The following SCARA3 variants were observed in gnomAD, a reference collection of about 807,000 sequenced individuals.
SCARA3 encodes scavenger receptor class A member 3, also known as cellular stress response gene protein.
SCARA3 carries 39 observed loss-of-function variants against 47.0 expected under a neutral mutation model. The ratio of observed to expected loss-of-function variants is 0.83; its 90% CI spans 0.64 to 1.08. SCARA3 has a LOEUF of 1.08. SCARA3 is among the 50% of genes least tolerant of loss of function. SCARA3 has a pLI of 0.00. For missense variants in SCARA3, 724 were observed against 792.3 expected (o/e 0.91, Z 1.04); for synonymous variants, 356 against 334.1 (o/e 1.07, Z -0.71).
Position 27,672,200 on chromosome 8 carries a change from C to T in SCARA3, c.*849C>T. On this transcript the variant is annotated 3_prime_UTR_variant, in exon 6 of 6. Coordinates refer to ENST00000301904, the MANE Select transcript of SCARA3 (RefSeq NM_016240.3). ...TTCTCTGGCCTTGCACACAGTGCCC[C>T]CTGAGAAGTTCAACATTTATTTCTT... is the stretch of plus-strand genomic sequence containing the variant. The T allele has an allele frequency of 2.0e-6, 2 of 985,440 alleles. No homozygotes were observed. Among genetic ancestry groups the T allele is most frequent in the Non-Finnish European group, 2.4e-6 (2 of 829,952 alleles). The allele number at this position is 985,440 out of a possible 1,614,324, so 61.0% of individuals were successfully genotyped here.
intron 1 of SCARA3, among the ~76,000 whole-genome samples, chr8:27,634,998 C>T (rs780785678): frequency 2.6e-5 from 4 of 152,160 alleles, no homozygotes; most frequent in Admixed American, 2.6e-4. Flanking sequence ...AGGTTTTGAA[C>T]GCCATTTCGG....
intron 1 of SCARA3, among the ~76,000 whole-genome samples, chr8:27,634,598 C>A (rs891027007): frequency 3.3e-5 from 5 of 152,210 alleles, no homozygotes; most frequent in Admixed American, 2.6e-4. Flanking sequence ...CTGCATCCCC[C>A]ACCGAGCCTT....
At chr8:27,639,107 A>C (rs982683767) in intron 1 of SCARA3, among the ~76,000 whole-genome samples, 1 of 152,144 alleles carries the variant, frequency 6.6e-6, no homozygotes, top group Non-Finnish European at 1.5e-5. Flanking sequence ...GGTTCAGATG[A>C]GACACCTTCC....
the SCARA3 span, among the ~76,000 whole-genome samples, chr8:27,707,483 A>AT: frequency 6.6e-6 from 1 of 151,524 alleles, no homozygotes; most frequent in African/African-American, 2.4e-5. Context: ...AATAAGTCAA[A>AT]AAAAAACATT....
chr8:27,657,042 A>T (rs1379102260), intron 4 of SCARA3, among the ~76,000 whole-genome samples, 162 bp downstream of exon 4: 4 of 152,104 alleles, frequency 2.6e-5, no homozygotes, highest in African/African-American at 9.7e-5. Flanking sequence ...ATCTCCATCC[A>T]TTAGAGGAGG....
In SCARA3 at chr8:27,649,699, T is replaced by C; in HGVS notation, c.8-3T>C. 6.2e-7 allele frequency: 1 copy of C among 1,613,958 alleles called. No individual in the cohort carries two copies. The highest frequency in any genetic ancestry group is 8.5e-7 in the Non-Finnish European group (1 of 1,179,960). On this transcript the variant is annotated splice_region_variant and splice_polypyrimidine_tract_variant and intron_variant, in intron 1 of 5. Coordinates refer to ENST00000301904, the MANE Select transcript of SCARA3 (RefSeq NM_016240.3). ...GGGTCTGACGGCACTGGCTTCATTA[T>C]AGTGAGGTCGGCCGGCGGCGATGGA...
At position 27,672,064 on chromosome 8, in the gene SCARA3, CCA is replaced by C. The variant is rs1456316881; in HGVS notation, c.*714_*715del. 2.1e-5 allele frequency: 21 copies of C among 985,432 alleles called. No individual in the cohort carries two copies. The East Asian group carries it at 6.8e-4, about 32-fold the overall frequency. 61.0% of individuals were successfully genotyped at this position (985,432 alleles called of 1,614,324 possible). On this transcript the variant is annotated 3_prime_UTR_variant, in exon 6 of 6. Coordinates refer to ENST00000301904, the MANE Select transcript of SCARA3 (RefSeq NM_016240.3). ...CGGGTGGGGCGTTACTGCCAAAACTCCAGAGGCAAAGTGGACCTGGCAACCAC... is the reference window on the plus strand; with the variant it reads ...CGGGTGGGGCGTTACTGCCAAAACTCGAGGCAAAGTGGACCTGGCAACCAC...
the SCARA3 span, among the ~76,000 whole-genome samples, chr8:27,711,486 T>C: frequency 6.6e-6 from 1 of 152,214 alleles, no homozygotes; most frequent in Non-Finnish European, 1.5e-5. Flanking sequence ...CTTTCTGGAA[T>C]GATAACATCT....
the SCARA3 span, among the ~76,000 whole-genome samples, chr8:27,719,995 T>A: frequency 6.6e-6 from 1 of 152,170 alleles, no homozygotes; most frequent in African/African-American, 2.4e-5. Flanking sequence ...ACCCTGCAGC[T>A]GATCAGGGAG....
At chr8:27,645,689 C>T (rs1208814662) in intron 1 of SCARA3, among the ~76,000 whole-genome samples, 1 of 152,242 alleles carries the variant, frequency 6.6e-6, no homozygotes, top group East Asian at 1.9e-4. Flanking sequence ...CTTTGGAGAG[C>T]TGGTGCACCT....
chr8:27,656,712 T>G, intron 3 of SCARA3, 70 bp from the exon 4 acceptor site: 1 of 962,068 alleles, frequency 1.0e-6, no homozygotes, highest in Non-Finnish European at 1.7e-6. Flanking sequence ...TAAAGATGCC[T>G]TCTCAAGGAA....
chr8:27,647,920 C>G (rs530223133), intron 1 of SCARA3, among the ~76,000 whole-genome samples: 202 of 152,270 alleles, frequency 1.3e-3, no homozygotes, highest in Non-Finnish European at 2.7e-3. Flanking sequence ...TCACAATGGC[C>G]GTGGCATGGC....
At chr8:27,674,717 T>TTC (rs1299716671), downstream of SCARA3, among the ~76,000 whole-genome samples, 14 of 148,548 alleles carry the variant, frequency 9.4e-5, no homozygotes, top group Middle Eastern at 3.5e-3. Flanking sequence ...CCTCTTTCTT[T>TTC]TCTCTCTCTT....
In SCARA3 at chr8:27,659,494, GAC is replaced by G; in HGVS notation, c.1330_1331del (p.Gln444AlafsTer138). 2 of 1,613,806 alleles carry G rather than the reference GAC, an allele frequency of 1.2e-6. No homozygotes were observed. Among genetic ancestry groups the G allele is most frequent in the Non-Finnish European group, 1.7e-6 (2 of 1,179,878 alleles). On this transcript the variant is annotated frameshift_variant, in exon 5 of 6. Transcript: ENST00000301904. LOFTEE classifies it low-confidence loss of function (END_TRUNC). The stretch of plus-strand genomic sequence containing the variant: ...GATCGTGGAGGAGATGAAGGCAGTG[GAC>G]ACACAGCATGGAGAAATCCTTCGCA... ...SMIVEEMKAV[D>X]TQHGEILRNV... is the part of the protein sequence containing the mutation.
Position 27,645,739 on chromosome 8 carries a change from C to T in SCARA3, c.8-3963C>T, listed in dbSNP as rs761034349. On this transcript the variant is annotated intron_variant, in intron 1 of 5. Transcript: ENST00000301904. ...TTGCCCTTAATGGCAGGAGAATAGG[C>T]ATAGAAGACGGAGAGGGGAAGGAAA... 3.3e-5 allele frequency among the ~76,000 whole-genome samples: 5 copies of T among 152,322 alleles called. No homozygotes were observed. In the East Asian group the frequency reaches 9.6e-4, roughly 29 times the overall value.
intron 1 of SCARA3, among the ~76,000 whole-genome samples, chr8:27,643,228 G>T (rs1230285361): frequency 6.6e-6 from 1 of 152,206 alleles, no homozygotes; most frequent in African/African-American, 2.4e-5. Flanking sequence ...AGGGGATTTA[G>T]GATAAAGCAG....
intron 1 of SCARA3, among the ~76,000 whole-genome samples, chr8:27,646,057 C>G (rs1801485603): frequency 6.6e-6 from 1 of 152,176 alleles, no homozygotes; most frequent in African/African-American, 2.4e-5. Context: ...CTACAGCATT[C>G]CAGACATAGG....
intron 1 of SCARA3, among the ~76,000 whole-genome samples, chr8:27,641,386 AG>A (rs1801378567): frequency 6.6e-6 from 1 of 152,174 alleles, no homozygotes; most frequent in African/African-American, 2.4e-5. Flanking sequence ...TCAGAAAAGG[AG>A]GGGGTGAGCT....
chr8:27,670,897 C>T lies in SCARA3; in HGVS notation c.1370-3C>T, dbSNP rs771979523. The T allele has an allele frequency of 1.3e-6, 2 of 1,519,126 alleles. No individual in the cohort carries two copies. Among genetic ancestry groups the T allele is most frequent in the African/African-American group, 2.8e-5 (2 of 71,078 alleles). 94.1% of individuals were successfully genotyped at this position (1,519,126 alleles called of 1,614,324 possible). On this transcript the variant is annotated splice_polypyrimidine_tract_variant and splice_region_variant and intron_variant, in intron 5 of 5. Transcript: ENST00000301904. ...ACCTCTCCCATCTTCTCTCCAACCT[C>T]AGGTGCCCCCGGCCCTCCAGGACCA...
Sources: gnomAD v4.1 joint callset for allele counts (sites outside exome capture counted in the v4.1 genomes callset) on GRCh38, gnomAD v4.1.1 for gene constraint, MANE v1.5 for transcripts, NCBI Gene and HGNC (gene_info 2026-07-23, HGNC 2026-07-21) for gene names.